The following TP73 variants were observed in gnomAD, a reference collection of about 807,000 sequenced individuals.
TP73 encodes p53-like transcription factor.
TP73 carries 25 observed loss-of-function variants against 62.5 expected under a neutral mutation model. That is an observed-to-expected ratio of 0.40 (90% CI 0.29 to 0.56). The LOEUF is 0.56. Ranked by LOEUF, TP73 falls within the 20% of genes least tolerant of loss-of-function variation. The pLI is 0.46. For synonymous variants in TP73, 423 were observed against 377.5 expected (o/e 1.12, Z -1.40); for missense variants, 754 against 913.3 (o/e 0.83, Z 2.25).
intron 3 of TP73, among the ~76,000 whole-genome samples, chr1:3,705,077 C>T (rs893358656): frequency 2.0e-5 from 3 of 152,216 alleles, no homozygotes; most frequent in African/African-American, 7.2e-5. Context: ...TGCCCTGTCT[C>T]CCAGGCTGGA....
At chr1:3,652,824 C>T (rs1227828006) in intron 1 of TP73, 183 bp downstream of exon 1, 2 of 152,296 alleles carry the variant, frequency 1.3e-5, no homozygotes, top group Non-Finnish European at 2.9e-5. Context: ...GGACTTGGCG[C>T]TCGCGAGAGG....
At chr1:3,653,858 G>T (rs563415443) in intron 1 of TP73, among the ~76,000 whole-genome samples, 5 of 152,194 alleles carry the variant, frequency 3.3e-5, no homozygotes, top group African/African-American at 1.2e-4. Flanking sequence ...TATGCATTAC[G>T]TATGTAGTTT....
chr1:3,716,157 C>T (rs576403023), intron 4 of TP73, among the ~76,000 whole-genome samples: 2 of 152,334 alleles, frequency 1.3e-5, no homozygotes, highest in East Asian at 3.9e-4. Flanking sequence ...TCCGTCAGGG[C>T]TGAGGATCGC....
chr1:3,662,496 G>A lies in TP73; in HGVS notation c.-34+9855G>A, dbSNP rs78648315. ...GTGAATGAAGGTGGTTTCGTCACGCGGACATGCGTCTCTCAGGCGATCAGA... is the reference window on the plus strand; with the variant it reads ...GTGAATGAAGGTGGTTTCGTCACGCAGACATGCGTCTCTCAGGCGATCAGA... On this transcript the variant is annotated intron_variant, in intron 1 of 13. Transcript: ENST00000378295. This position sits in a 1 kb window ranked among gnomAD's most constrained non-coding sequence, Gnocchi z 4.4. Among the ~76,000 whole-genome samples, 5,789 of 152,250 alleles carry A rather than the reference G, an allele frequency of 0.038. 375 individuals carry two copies. The highest frequency in any genetic ancestry group is 0.13 in the African/African-American group (5,421 of 41,524).
chr1:3,695,774 G>T (rs1638592587), intron 3 of TP73, among the ~76,000 whole-genome samples: 1 of 152,272 alleles, frequency 6.6e-6, no homozygotes, highest in Admixed American at 6.5e-5. Flanking sequence ...AGGGCCCCCG[G>T]CTGCAGTGCT....
At chr1:3,702,976 C>A (rs994607430) in intron 3 of TP73, among the ~76,000 whole-genome samples, 18 of 152,174 alleles carry the variant, frequency 1.2e-4, no homozygotes, top group Admixed American at 1.2e-3. Context: ...AGGAGCCAGG[C>A]CCCAGGGAAA....
intron 13 of TP73, among the ~76,000 whole-genome samples, chr1:3,732,272 G>A (rs922953224): frequency 6.6e-6 from 1 of 152,178 alleles, no homozygotes; most frequent in African/African-American, 2.4e-5. Context: ...ACTGTCCCTC[G>A]TGCAGAGAGT....
At position 3,696,469 on chromosome 1, in the gene TP73, C is replaced by G. The variant is rs1638669086; in HGVS notation, c.187-11080C>G. On this transcript the variant is annotated intron_variant, in intron 3 of 13. Transcript: ENST00000378295. This position sits in a 1 kb window ranked among gnomAD's most constrained non-coding sequence, Gnocchi z 4.1. The stretch of plus-strand genomic sequence containing the variant: ...CACATGGGCACTTACAGTCAGGGCT[C>G]TGGGGGATCTGCACGGAGGCAGGGA... Among the ~76,000 whole-genome samples, 1 of 151,654 alleles carries G rather than the reference C, an allele frequency of 6.6e-6. No homozygotes were observed. The highest frequency in any genetic ancestry group is 6.6e-5 in the Admixed American group (1 of 15,208).
intron 1 of TP73, among the ~76,000 whole-genome samples, chr1:3,677,689 C>CTTTT (rs1215137164): frequency 7.3e-6 from 1 of 137,218 alleles, no homozygotes; most frequent in Non-Finnish European, 1.6e-5. Context: ...TCCTTCCTTC[C>CTTTT]CTTTTTTTTT....
intron 3 of TP73, chr1:3,691,029 T>A: frequency 6.5e-7 from 1 of 1,532,676 alleles, no homozygotes; most frequent in Non-Finnish European, 8.8e-7. Context: ...GGGGCATCCT[T>A]CTGCCTGCCT....
At position 3,661,529 on chromosome 1, in the gene TP73, C is replaced by A. The variant is rs183517949; in HGVS notation, c.-34+8888C>A. Among the ~76,000 whole-genome samples, 170 of 151,536 alleles carry A rather than the reference C, an allele frequency of 1.1e-3. 1 individual carries two copies. Among genetic ancestry groups the A allele is most frequent in the Admixed American group, 2.6e-3 (39 of 15,182 alleles). ...TTCGAGACCAGCCTGGGCAACATGG[C>A]AAAACCCCGTCTCTACCAAAAATAC... On this transcript the variant is annotated intron_variant, in intron 1 of 13. Coordinates refer to ENST00000378295, the MANE Select transcript of TP73 (RefSeq NM_005427.4).
chr1:3,669,686 C>T (rs732901), intron 1 of TP73, among the ~76,000 whole-genome samples: 15,280 of 152,278 alleles, frequency 0.1, 923 homozygotes, highest in African/African-American at 0.16. Context: ...CCGGCACTCA[C>T]GCAGCTACTC....
intron 3 of TP73, among the ~76,000 whole-genome samples, chr1:3,686,830 A>G (rs1432011954): frequency 6.6e-6 from 1 of 152,142 alleles, no homozygotes; most frequent in East Asian, 1.9e-4. Context: ...ACTTTTAAAG[A>G]ATTACATAGC....
chr1:3,705,031 A>T (rs1639510946), intron 3 of TP73, among the ~76,000 whole-genome samples: 2 of 152,096 alleles, frequency 1.3e-5, no homozygotes, highest in South Asian at 4.2e-4. Context: ...CTTCCCTGGG[A>T]TGTTATATTT....
intron 1 of TP73, among the ~76,000 whole-genome samples, chr1:3,676,151 C>T (rs1645362132): frequency 7.5e-6 from 1 of 133,920 alleles, no homozygotes; most frequent in Admixed American, 7.6e-5. Context: ...AAGGAGGGGA[C>T]AGGAGGACGG....
chr1:3,665,657 CT>C (rs58949374), intron 1 of TP73, among the ~76,000 whole-genome samples: 81,672 of 137,334 alleles, frequency 0.59, 24,052 homozygotes, highest in Middle Eastern at 0.7. Flanking sequence ...TCTCTCTTTT[CT>C]TTTTTTTTTT....
chr1:3,706,915 C>G lies in TP73; in HGVS notation c.187-634C>G, dbSNP rs1326001677. 3.3e-5 allele frequency among the ~76,000 whole-genome samples: 5 copies of G among 152,244 alleles called. 1 individual carries two copies. Among genetic ancestry groups the G allele is most frequent in the Admixed American group, 3.3e-4 (5 of 15,302 alleles). On this transcript the variant is annotated intron_variant, in intron 3 of 13. Coordinates refer to ENST00000378295, the MANE Select transcript of TP73 (RefSeq NM_005427.4). Reference sequence around the variant, plus strand: ...TTGCCGGCCCCTGAGCGTGGAGCGGCCTTTCCAGTCGGGGTGAGGCCGTTC... The same window carrying G: ...TTGCCGGCCCCTGAGCGTGGAGCGGGCTTTCCAGTCGGGGTGAGGCCGTTC...
intron 1 of TP73, among the ~76,000 whole-genome samples, chr1:3,678,630 T>A (rs770401262): frequency 6.6e-6 from 1 of 152,216 alleles, no homozygotes; most frequent in Non-Finnish European, 1.5e-5. Context: ...TGGTTTTGGC[T>A]AATGAGGAAC....
Position 3,728,197 on chromosome 1 carries a change from G to A in TP73, c.1054G>A (p.Glu352Lys), listed in dbSNP as rs757395384. The change falls in exon 9 of 14, where the codon GAG (glutamate) becomes AAG (lysine). Residue 352 changes from glutamate to lysine, a missense_variant. Coordinates refer to ENST00000378295, the MANE Select transcript of TP73 (RefSeq NM_005427.4). ...AGVKKRRHGD[E>K]DTYYLQVRGR... ...TGTGAAGAAGCGGCGGCATGGAGAC[G>A]AGGACACGTACTACCTTCAGGTGAG... is the stretch of plus-strand genomic sequence containing the variant. 1.2e-5 allele frequency: 20 copies of A among 1,611,810 alleles called. No homozygotes were observed. The Admixed American group carries it at 1.7e-4, about 13-fold the overall frequency.
Sources: allele counts gnomAD v4.1 joint callset (sites outside exome capture counted in the v4.1 genomes callset), GRCh38; gene constraint gnomAD v4.1.1; non-coding constraint Gnocchi (gnomAD v3.1); transcripts MANE v1.5; gene names NCBI Gene and HGNC (gene_info 2026-07-23, HGNC 2026-07-21).